Variants in BNC1 observed in about 807,000 individuals in gnomAD.
The protein encoded by BNC1 is basonuclin zinc finger protein 1, also known as zinc finger protein basonuclin-1.
In BNC1, 8 loss-of-function variants were observed where a neutral mutation model predicts 66.5. The observed-to-expected ratio is 0.12, with a 90% CI of 0.07 to 0.22. The LOEUF is 0.22. Among genes scored for constraint, BNC1 ranks in the 10% least tolerant of loss-of-function variants. The pLI, the probability that BNC1 is intolerant of heterozygous loss-of-function variation, is 1.00. For missense variants in BNC1, 1,069 were observed against 1,241.3 expected, an observed-to-expected ratio of 0.86 and a Z score of 2.09; for synonymous variants, 454 against 452.6, an observed-to-expected ratio of 1.00 and a Z score of -0.04.
At position 83,283,461 on chromosome 15, in the gene BNC1, G is replaced by A. The variant is rs2038405375; in HGVS notation, c.99+1069C>T. ...CGGCTCCCAGCACGGAACCGACGGGGCGCTCCCGAGACGGGCGAGCCACGC... is the reference window on the plus strand; with the variant it reads ...CGGCTCCCAGCACGGAACCGACGGGACGCTCCCGAGACGGGCGAGCCACGC... On this transcript the variant is annotated intron_variant, in intron 1 of 4. Coordinates refer to ENST00000345382, the MANE Select transcript of BNC1 (RefSeq NM_001717.4). 4 of 1,212,766 alleles carry A rather than the reference G, an allele frequency of 3.3e-6. No homozygotes were observed. In the South Asian group the frequency reaches 9.4e-5, roughly 28 times the overall value. The allele number at this position is 1,212,766 out of a possible 1,614,324, so 75.1% of individuals were successfully genotyped here.
chr15:83,263,965 C>G lies in BNC1; in HGVS notation c.1286G>C (p.Ser429Thr). 3 of 1,614,212 alleles carry G rather than the reference C, an allele frequency of 1.9e-6. No individual in the cohort carries two copies. In the South Asian group the frequency reaches 3.3e-5, roughly 18 times the overall value. Residue 429 changes from serine to threonine, a missense_variant, in exon 4 of 5, where the codon AGC becomes ACC. Coordinates refer to ENST00000345382, the MANE Select transcript of BNC1 (RefSeq NM_001717.4). ...GTTCTCAGAGCTGGCCAGGTTCAGG[C>G]TGTTCCTGAGGTCTTTGTCCCGGTT... ...RNNRDKDLRN[S>T]LNLASSENYK...
At chr15:83,267,624 C>G (rs989963794) in intron 2 of BNC1, among the ~76,000 whole-genome samples, 1 of 152,154 alleles carries the variant, frequency 6.6e-6, no homozygotes, top group Non-Finnish European at 1.5e-5. Flanking sequence ...AGTCACATTT[C>G]AAGTACTCAG....
At position 83,263,711 on chromosome 15, in the gene BNC1, A is replaced by G. The variant is rs576519368; in HGVS notation, c.1540T>C (p.Leu514=). The change falls in exon 4 of 5, where the codon TTG becomes CTG. Residue 514 remains leucine (L), a synonymous_variant. Coordinates refer to ENST00000345382, the MANE Select transcript of BNC1 (RefSeq NM_001717.4). The part of the protein sequence containing the change: ...TPGILPSLPL[L]SSSIPEQLIS... ...AGCTGTTCTGGGATTGAAGAGGACA[A>G]CAGCGGGAGGGAAGGGAGTATCCCA... The G allele has an allele frequency of 1.2e-6, 2 of 1,614,236 alleles. No individual in the cohort carries two copies. The highest frequency in any genetic ancestry group is 2.2e-5 in the East Asian group (1 of 44,882).
chr15:83,276,377 C>G (rs2038323914), intron 1 of BNC1, among the ~76,000 whole-genome samples: 1 of 152,224 alleles, frequency 6.6e-6, no homozygotes. Flanking sequence ...ACACTTAGCA[C>G]TGGGCCTGAT....
At position 83,266,707 on chromosome 15, in the gene BNC1, G is replaced by C. The variant is rs2038221483; in HGVS notation, c.435+129C>G. ...CATGAGGTAGGGGCTTAGGCCATTA[G>C]AAAAGAAGTATTAAAGGGAAAGATG... On this transcript the variant is annotated intron_variant, in intron 3 of 4. Transcript: ENST00000345382. 7.3e-6 allele frequency: 6 copies of C among 824,766 alleles called. No homozygotes were observed. The South Asian group carries it at 9.3e-5, about 13-fold the overall frequency. 51.1% of individuals were successfully genotyped at this position (824,766 alleles called of 1,614,324 possible). A position where few individuals can be genotyped will look rare whatever the true frequency, so the allele number is the denominator to read the frequency against.
intron 1 of BNC1, among the ~76,000 whole-genome samples, chr15:83,274,534 C>A (rs2038300363): frequency 6.6e-6 from 1 of 152,194 alleles, no homozygotes; most frequent in African/African-American, 2.4e-5. Context: ...CTCTACTGGA[C>A]AAGGCTGAGT....
intron 1 of BNC1, among the ~76,000 whole-genome samples, chr15:83,270,485 A>T (rs529989462): frequency 1.1e-4 from 17 of 152,300 alleles, no homozygotes; most frequent in African/African-American, 4.1e-4. Flanking sequence ...CCACATCCTC[A>T]TCAACACTTG....
At position 83,264,802 on chromosome 15, in the gene BNC1, T is replaced by C. The variant is rs1235112306; in HGVS notation, c.449A>G (p.Lys150Arg). 1.2e-6 allele frequency: 2 copies of C among 1,613,548 alleles called. No homozygotes were observed. Among genetic ancestry groups the C allele is most frequent in the Admixed American group, 3.3e-5 (2 of 59,994 alleles). The change falls in exon 4 of 5, where the codon AAG becomes AGG. Residue 150 changes from lysine to arginine, a missense_variant. By Grantham distance (26) the Lys-to-Arg change is conservative. Coordinates refer to ENST00000345382, the MANE Select transcript of BNC1 (RefSeq NM_001717.4). ...RGYVLQDASG[K>R]VLDHWSIMTS... ...CATGATGCTCCAGTGATCCAACACC[T>C]TTCCTGATGCATCCTAAACCCAAAC...
intron 4 of BNC1, among the ~76,000 whole-genome samples, chr15:83,262,141 G>A (rs1014875437): frequency 6.7e-6 from 1 of 149,878 alleles, no homozygotes; most frequent in African/African-American, 2.5e-5. Flanking sequence ...TCTGCCTCTC[G>A]GGTTCAAACG....
chr15:83,257,217 G>T lies in BNC1; in HGVS notation c.*225C>A. On this transcript the variant is annotated 3_prime_UTR_variant, in exon 5 of 5. Transcript: ENST00000345382. ...ATTTCTGCAAGTTTTCCTTGTATCAGTGAAAGACCTCTTGGGCTAAGAAAA... is the reference window on the plus strand; with the variant it reads ...ATTTCTGCAAGTTTTCCTTGTATCATTGAAAGACCTCTTGGGCTAAGAAAA... The T allele has an allele frequency of 1.7e-6, 1 of 585,130 alleles. No individual in the cohort carries two copies. The highest frequency in any genetic ancestry group is 3.0e-6 in the Non-Finnish European group (1 of 336,192). 36.2% of individuals were successfully genotyped at this position (585,130 alleles called of 1,614,324 possible).
intron 4 of BNC1, among the ~76,000 whole-genome samples, chr15:83,261,681 C>T (rs896078355): frequency 6.6e-6 from 1 of 152,184 alleles, no homozygotes; most frequent in Non-Finnish European, 1.5e-5. Flanking sequence ...CTGCTATCCC[C>T]ACGGTGATGA....
At chr15:83,279,471 C>G (rs1252066273) in intron 1 of BNC1, among the ~76,000 whole-genome samples, 3 of 152,104 alleles carry the variant, frequency 2.0e-5, no homozygotes, top group Middle Eastern at 3.2e-3. Context: ...AGAGGGCTTC[C>G]TCCAGGAAGA....
chr15:83,257,792 C>T lies in BNC1; in HGVS notation c.2635G>A (p.Val879Met). ...SSHSSWDSDG[V>M]SEEGTVLMED... ...ATAAGCACAGTGCCTTCCTCACTCA[C>T]CCCGTCAGAGTCCCAGGAAGAATGG... Residue 879 changes from valine (V) to methionine (M), a missense_variant, in exon 5 of 5, where the codon GTG (valine) becomes ATG (methionine). Around this residue, in one of 7 missense-constraint regions of BNC1, gnomAD observed 657 missense variants for 715.8 expected, o/e 0.92. Transcript: ENST00000345382. 9 of 1,614,176 alleles carry T rather than the reference C, an allele frequency of 5.6e-6. No individual in the cohort carries two copies. Among genetic ancestry groups the T allele is most frequent in the Non-Finnish European group, 7.6e-6 (9 of 1,180,030 alleles).
At chr15:83,276,131 G>A (rs2151439437) in intron 1 of BNC1, among the ~76,000 whole-genome samples, 1 of 152,272 alleles carries the variant, frequency 6.6e-6, no homozygotes, top group South Asian at 2.1e-4. Flanking sequence ...TACCTCAGAG[G>A]CCTGTTAGCC....
chr15:83,280,667 A>G (rs1033386129), intron 1 of BNC1, among the ~76,000 whole-genome samples: 5 of 152,194 alleles, frequency 3.3e-5, no homozygotes, highest in South Asian at 2.1e-4. Flanking sequence ...TACCTTCATA[A>G]TGAATAATGC....
At chr15:83,265,678 G>A (rs2038210361) in intron 3 of BNC1, among the ~76,000 whole-genome samples, 2 of 152,140 alleles carry the variant, frequency 1.3e-5, no homozygotes, top group African/African-American at 4.8e-5. Flanking sequence ...CTAGAGGTGA[G>A]CAAACATTTT....
At chr15:83,269,627 G>T (rs1177229607) in intron 1 of BNC1, among the ~76,000 whole-genome samples, 8 of 152,044 alleles carry the variant, frequency 5.3e-5, no homozygotes, top group Admixed American at 4.6e-4. Context: ...GTTGCTGGTG[G>T]GATTGTAAAA....
rs986829382 is a variant in BNC1 at position 83,267,250 on chromosome 15, A to G, written c.200-179T>C. ...CTTCAAATTATTTACAGGAACTTCT[A>G]AAATACATGAACTAGCCTGAGACTT... On this transcript the variant is annotated intron_variant, in intron 2 of 4. Transcript: ENST00000345382. Among the ~76,000 whole-genome samples the G allele has an allele frequency of 3.3e-5, 5 of 152,232 alleles. No homozygotes were observed. In the East Asian group the frequency reaches 9.6e-4, roughly 29 times the overall value.
chr15:83,265,165 A>C (rs1409072778), intron 3 of BNC1, among the ~76,000 whole-genome samples: 1 of 152,238 alleles, frequency 6.6e-6, no homozygotes, highest in East Asian at 1.9e-4. Context: ...TAAAATTAAA[A>C]TATGTATCAT....
Sources: gnomAD v4.1 joint callset for allele counts (sites outside exome capture counted in the v4.1 genomes callset) on GRCh38, gnomAD v4.1.1 for gene constraint, gnomAD v4.1.1 regional missense constraint, MANE v1.5 for transcripts, NCBI Gene and HGNC (gene_info 2026-07-23, HGNC 2026-07-21) for gene names.